KREMEN2: variants seen among roughly 807,000 people sequenced by gnomAD.
KREMEN2 encodes kringle containing transmembrane protein 2, also known as kremen protein 2.
Under a neutral mutation model 49.8 loss-of-function variants are expected in KREMEN2, and 43 were observed. The observed-to-expected ratio is 0.86, with a 90% confidence interval of 0.68 to 1.11. The LOEUF is 1.11. KREMEN2 is among the 50% of genes most tolerant of loss of function. The probability of loss-of-function intolerance (pLI) is 0.00; values close to 1 mark genes in which losing one functional copy is unlikely to be tolerated. For synonymous variants in KREMEN2, 355 were observed against 304.9 expected (o/e 1.16, Z -1.71); for missense variants, 686 against 665.7 (o/e 1.03, Z -0.34).
Position 2,966,705 on chromosome 16 carries a change from C to G in KREMEN2, c.550C>G (p.Arg184Gly). 7 of 1,611,554 alleles carry G rather than the reference C, an allele frequency of 4.3e-6. No individual in the cohort carries two copies. The highest frequency in any genetic ancestry group is 5.9e-6 in the Non-Finnish European group (7 of 1,179,898). Residue 184 changes from arginine (R) to glycine (G), a missense_variant, in exon 5 of 9, where the codon CGC (arginine) becomes GGC (glycine). Coordinates refer to ENST00000303746, the MANE Select transcript of KREMEN2 (RefSeq NM_172229.3). The surrounding 1 kb of genome is among the most constrained non-coding windows in gnomAD (Gnocchi z 8.4). ...CTCTGAAAGCGACCTGGCCCGGGGA[C>G]GCCTGGCCCCCGCCACCGACTGTGA... is the stretch of plus-strand genomic sequence containing the variant. ...CGSESDLARG[R>G]LAPATDCDQI...
Position 2,966,859 on chromosome 16 carries a change from G to C in KREMEN2, c.641-51G>C. 6.4e-7 allele frequency: 1 copy of C among 1,572,582 alleles called. No homozygotes were observed. The highest frequency in any genetic ancestry group is 1.2e-5 in the South Asian group (1 of 86,448). On this transcript the variant is annotated intron_variant, in intron 5 of 8. Coordinates refer to ENST00000303746, the MANE Select transcript of KREMEN2 (RefSeq NM_172229.3). The surrounding 1 kb of genome is among the most constrained non-coding windows in gnomAD (Gnocchi z 8.4). Reference sequence around the variant, plus strand: ...CGAGGTGGGGCCTGGCCGGGCAGGGGAGCCGCCGTGTCCTGGTCCTCAGGA... The same window carrying C: ...CGAGGTGGGGCCTGGCCGGGCAGGGCAGCCGCCGTGTCCTGGTCCTCAGGA...
rs2071855678 is a variant in KREMEN2 at position 2,967,529 on chromosome 16, G to A, written c.1103G>A (p.Arg368Gln). ...CACCGCAGCCGTGTGCCCGCAGCCC[G>A]GGTCTTCTCGACGGTGACGGCTGTC... ...PGAPPAAIGA[R>Q]VFSTVTAVSV... The change falls in exon 8 of 9, where the codon CGG (arginine) becomes CAG (glutamine). Residue 368 changes from arginine (R) to glutamine (Q), a missense_variant. Arg to Gln is a conservative substitution (Grantham distance 43). Transcript: ENST00000303746. 3.3e-6 allele frequency: 5 copies of A among 1,531,310 alleles called. No homozygotes were observed. The highest frequency in any genetic ancestry group is 4.4e-6 in the Non-Finnish European group (5 of 1,145,156). The allele number at this position is 1,531,310 out of a possible 1,614,324, so 94.9% of individuals were successfully genotyped here. A position where few individuals can be genotyped will look rare whatever the true frequency, so the allele number is the denominator to read the frequency against.
In KREMEN2 at chr16:2,964,686, C is replaced by T. The variant is rs1281003657; in HGVS notation, c.94+72C>T. ...GGCCTCCGCCCCCAGGGCCAGGCCCCCAAGGCTAGGGAGGGGGACAGAGCA... is the reference window on the plus strand; with the variant it reads ...GGCCTCCGCCCCCAGGGCCAGGCCCTCAAGGCTAGGGAGGGGGACAGAGCA... On this transcript the variant is annotated intron_variant, in intron 1 of 8. Coordinates refer to ENST00000303746, the MANE Select transcript of KREMEN2 (RefSeq NM_172229.3). 6 of 1,444,220 alleles carry T rather than the reference C, an allele frequency of 4.2e-6. No individual in the cohort carries two copies. The South Asian group carries it at 7.7e-5, about 19-fold the overall frequency. The allele number at this position is 1,444,220 out of a possible 1,614,324, so 89.5% of individuals were successfully genotyped here.
In KREMEN2 at chr16:2,968,233, A is replaced by G. The variant is rs1443971442; in HGVS notation, c.*213A>G. ...CAGATGGTCCAGGCCCTCTCCATGGACCTGTATGTGGGGGTGGTCTCTGGT... is the reference window on the plus strand; with the variant it reads ...CAGATGGTCCAGGCCCTCTCCATGGGCCTGTATGTGGGGGTGGTCTCTGGT... On this transcript the variant is annotated 3_prime_UTR_variant, in exon 9 of 9. Coordinates refer to ENST00000303746, the MANE Select transcript of KREMEN2 (RefSeq NM_172229.3). The G allele has an allele frequency of 5.6e-5, 51 of 917,078 alleles. No homozygotes were observed. In the East Asian group the frequency reaches 1.2e-3, roughly 22 times the overall value. 56.8% of individuals were successfully genotyped at this position (917,078 alleles called of 1,614,324 possible).
chr16:2,964,543 G>T lies in KREMEN2; in HGVS notation c.23G>T (p.Gly8Val). 1 of 1,605,002 alleles carries T rather than the reference G, an allele frequency of 6.2e-7. No homozygotes were observed. Among genetic ancestry groups the T allele is most frequent in the Non-Finnish European group, 8.5e-7 (1 of 1,175,914 alleles). The change falls in exon 1 of 9, where the codon GGC becomes GTC. Residue 8 changes from glycine (G) to valine (V), a missense_variant. Physicochemically the swap from Gly to Val is moderately radical, Grantham distance 109. Coordinates refer to ENST00000303746, the MANE Select transcript of KREMEN2 (RefSeq NM_172229.3). MGTQALQ[G>V]FLFLLFLPLL... Reference sequence around the variant, plus strand: ...GCGATGGGGACACAAGCCCTGCAGGGCTTCCTCTTTCTCCTCTTCCTCCCG... The same window carrying T: ...GCGATGGGGACACAAGCCCTGCAGGTCTTCCTCTTTCTCCTCTTCCTCCCG...
At chr16:2,965,432 A>T (rs2071799698) in intron 2 of KREMEN2, among the ~76,000 whole-genome samples, 1 of 152,122 alleles carries the variant, frequency 6.6e-6, no homozygotes, top group Admixed American at 6.5e-5. Context: ...GGATGGACCC[A>T]GCGGGAGGAG....
Position 2,964,438 on chromosome 16 carries a change from G to GGTT in KREMEN2, c.-81_-80insTGT. 1.1e-6 allele frequency: 1 copy of GGTT among 940,334 alleles called. No individual in the cohort carries two copies. Among genetic ancestry groups the GGTT allele is most frequent in the South Asian group, 1.7e-5 (1 of 60,160 alleles). 58.2% of individuals were successfully genotyped at this position (940,334 alleles called of 1,614,324 possible). ...GACTGTCAGAGGACAACGCCCCCTA[G>GGTT]GTCTCCTGGGAGACCCCGAAGCGAC... On this transcript the variant is annotated 5_prime_UTR_variant, in exon 1 of 9. Coordinates refer to ENST00000303746, the MANE Select transcript of KREMEN2 (RefSeq NM_172229.3).
In KREMEN2 at chr16:2,966,810, G is replaced by A. The variant is rs913554820; in HGVS notation, c.640+15G>A. 2.5e-6 allele frequency: 4 copies of A among 1,608,560 alleles called. No individual in the cohort carries two copies. Among genetic ancestry groups the A allele is most frequent in the Non-Finnish European group, 3.4e-6 (4 of 1,178,354 alleles). ...CGTCTATGAAGGTGAGGAGTGGGCG[G>A]GGACCAGGGGCCTGGGCGGGCCTCG... is the stretch of plus-strand genomic sequence containing the variant. On this transcript the variant is annotated intron_variant, in intron 5 of 8. Coordinates refer to ENST00000303746, the MANE Select transcript of KREMEN2 (RefSeq NM_172229.3). The surrounding 1 kb of genome is among the most constrained non-coding windows in gnomAD (Gnocchi z 8.4).
Position 2,968,346 on chromosome 16 carries a change from C to T in KREMEN2, c.*326C>T, listed in dbSNP as rs948811336. ...AGGTCAGCAAAAACAGTCAAAAAAC[C>T]CCCACAGATTTTGAATAAAGGATCT... is the stretch of plus-strand genomic sequence containing the variant. On this transcript the variant is annotated 3_prime_UTR_variant, in exon 9 of 9. Coordinates refer to ENST00000303746, the MANE Select transcript of KREMEN2 (RefSeq NM_172229.3). 9.8e-6 allele frequency: 15 copies of T among 1,535,038 alleles called. No homozygotes were observed. Among genetic ancestry groups the T allele is most frequent in the African/African-American group, 1.4e-5 (1 of 73,158 alleles).
chr16:2,966,338 G>C lies in KREMEN2; in HGVS notation c.375G>C (p.Leu125=), dbSNP rs1466872637. ...CTGCCCCCTCAGTGCCAGGCTACCT[G>C]GGATGCTTTGTGGACTCAGGGGCAC... is the stretch of plus-strand genomic sequence containing the variant. The part of the protein sequence containing the change: ...DIPSCHMPGY[L]GCFVDSGAPP... The change falls in exon 4 of 9, where the codon CTG becomes CTC. Residue 125 remains leucine, a synonymous_variant. Transcript: ENST00000303746. The surrounding 1 kb of genome is among the most constrained non-coding windows in gnomAD (Gnocchi z 8.4). 1.9e-6 allele frequency: 3 copies of C among 1,612,086 alleles called. No individual in the cohort carries two copies. The highest frequency in any genetic ancestry group is 1.7e-5 in the Admixed American group (1 of 60,004).
At chr16:2,965,141 GC>G in intron 2 of KREMEN2, 108 bp downstream of exon 2, 1 of 455,352 alleles carries the variant, frequency 2.2e-6, no homozygotes, top group Non-Finnish European at 2.8e-6. Flanking sequence ...TGGACTGGCA[GC>G]CCAGCCTCCT....
Position 2,966,766 on chromosome 16 carries a change from G to A in KREMEN2, c.611G>A (p.Gly204Asp), listed in dbSNP as rs1483021928. The A allele has an allele frequency of 3.1e-6, 5 of 1,611,704 alleles. No individual in the cohort carries two copies. The highest frequency in any genetic ancestry group is 3.4e-6 in the Non-Finnish European group (4 of 1,179,762). Reference protein sequence around the residue: ...ICFGHPGQLCGGDGRLGVYEV... With the variant: ...ICFGHPGQLCDGDGRLGVYEV... Reference sequence around the variant, plus strand: ...TTCGGCCACCCTGGACAGCTGTGTGGCGGCGATGGGCGGCTGGGCGTCTAT... The same window carrying A: ...TTCGGCCACCCTGGACAGCTGTGTGACGGCGATGGGCGGCTGGGCGTCTAT... The change falls in exon 5 of 9, where the codon GGC becomes GAC. Residue 204 changes from glycine to aspartate, a missense_variant. By Grantham distance (94) the Gly-to-Asp change is moderately conservative. Transcript: ENST00000303746. The surrounding 1 kb of genome is among the most constrained non-coding windows in gnomAD (Gnocchi z 8.4).
Position 2,968,123 on chromosome 16 carries a change from G to A in KREMEN2, c.*103G>A, listed in dbSNP as rs898180874. 8.7e-6 allele frequency: 11 copies of A among 1,262,772 alleles called. No homozygotes were observed. The African/African-American group carries it at 8.9e-5, about 10-fold the overall frequency. The allele number at this position is 1,262,772 out of a possible 1,614,324, so 78.2% of individuals were successfully genotyped here. On this transcript the variant is annotated 3_prime_UTR_variant, in exon 9 of 9. Transcript: ENST00000303746. ...CCTTGCGCCTGTGTAGGGGCAGCTC[G>A]GCCTCTGGTCGCCTTGGGGAGACCA...
intron 2 of KREMEN2, 29 bp downstream of exon 2, chr16:2,965,062 A>T (rs1199015685): frequency 1.3e-6 from 2 of 1,486,128 alleles, no homozygotes; most frequent in Non-Finnish European, 8.9e-7. Flanking sequence ...GCTGGGGGCG[A>T]GGCTGGGCTC....
rs916033182 is a variant in KREMEN2, at chr16:2,966,852, G to A, written c.640+57G>A. On this transcript the variant is annotated intron_variant, in intron 5 of 8. Coordinates refer to ENST00000303746, the MANE Select transcript of KREMEN2 (RefSeq NM_172229.3). The surrounding 1 kb of genome is among the most constrained non-coding windows in gnomAD (Gnocchi z 8.4). The stretch of plus-strand genomic sequence containing the variant: ...CGGGCCTCGAGGTGGGGCCTGGCCG[G>A]GCAGGGGAGCCGCCGTGTCCTGGTC... 6.8e-5 allele frequency: 108 copies of A among 1,579,912 alleles called. No individual in the cohort carries two copies. The highest frequency in any genetic ancestry group is 8.9e-5 in the Non-Finnish European group (104 of 1,164,238).
rs1555491456 is a variant in KREMEN2, at chr16:2,967,834, A to G, written c.1203A>G (p.Lys401=). Residue 401 remains lysine, a synonymous_variant, in exon 9 of 9, where the codon AAA becomes AAG. Coordinates refer to ENST00000303746, the MANE Select transcript of KREMEN2 (RefSeq NM_172229.3). ...RRRSCLLAPG[K]GPPALGASRG... Reference sequence around the variant, plus strand: ...GGAGCTGTCTGCTGGCTCCGGGAAAAGGGCCCCCGGCGCTGGGGGCTTCCA... The same window carrying G: ...GGAGCTGTCTGCTGGCTCCGGGAAAGGGGCCCCCGGCGCTGGGGGCTTCCA... 6.4e-7 allele frequency: 1 copy of G among 1,550,896 alleles called. No individual in the cohort carries two copies. Among genetic ancestry groups the G allele is most frequent in the South Asian group, 1.2e-5 (1 of 84,160 alleles).
chr16:2,966,850 CG>C lies in KREMEN2; in HGVS notation c.641-57del. On this transcript the variant is annotated intron_variant, in intron 5 of 8. Transcript: ENST00000303746. The surrounding 1 kb of genome is among the most constrained non-coding windows in gnomAD (Gnocchi z 8.4). ...GGCGGGCCTCGAGGTGGGGCCTGGC[CG>C]GGCAGGGGAGCCGCCGTGTCCTGGT... is the stretch of plus-strand genomic sequence containing the variant. 6.3e-7 allele frequency: 1 copy of C among 1,581,062 alleles called. No homozygotes were observed.
intron 2 of KREMEN2, 109 bp downstream of exon 2, chr16:2,965,142 C>T: frequency 1.3e-6 from 1 of 751,662 alleles, no homozygotes; most frequent in South Asian, 2.4e-5. Flanking sequence ...GGACTGGCAG[C>T]CCAGCCTCCT....
chr16:2,967,102 C>T lies in KREMEN2; in HGVS notation c.833C>T (p.Ala278Val). The stretch of plus-strand genomic sequence containing the variant: ...GACCGGCTGGAGCTGCGCGACGCGG[C>T]TTCGGGCAGCCTGCTCCGCGCCTTC... The part of the protein sequence containing the change: ...PRDRLELRDA[A>V]SGSLLRAFDG... The change falls in exon 6 of 9, where the codon GCT (alanine) becomes GTT (valine). Residue 278 changes from alanine to valine, a missense_variant. Physicochemically the swap from Ala to Val is moderately conservative, Grantham distance 64 (BLOSUM62 0). Coordinates refer to ENST00000303746, the MANE Select transcript of KREMEN2 (RefSeq NM_172229.3). 1.4e-6 allele frequency: 2 copies of T among 1,480,174 alleles called. No individual in the cohort carries two copies. Among genetic ancestry groups the T allele is most frequent in the Non-Finnish European group, 1.8e-6 (2 of 1,122,992 alleles). The allele number at this position is 1,480,174 out of a possible 1,614,324, so 91.7% of individuals were successfully genotyped here. A position where few individuals can be genotyped will look rare whatever the true frequency, so the allele number is the denominator to read the frequency against.
Sources: allele counts gnomAD v4.1 joint callset (sites outside exome capture counted in the v4.1 genomes callset), GRCh38; gene constraint gnomAD v4.1.1; non-coding constraint Gnocchi (gnomAD v3.1); transcripts MANE v1.5; gene names NCBI Gene and HGNC (gene_info 2026-07-23, HGNC 2026-07-21).